RHBDD2: variants seen among roughly 807,000 people sequenced by gnomAD.
RHBDD2 encodes rhomboid domain-containing protein 2.
A neutral mutation model predicts 21.7 loss-of-function variants in RHBDD2; 13 were observed. The ratio of observed to expected loss-of-function variants is 0.60; its 90% confidence interval spans 0.39 to 0.95. The LOEUF (loss-of-function observed/expected upper bound fraction) is 0.95, where lower values mean the gene tolerates loss of function less well. Among genes scored for constraint, RHBDD2 ranks in the 40% least tolerant of loss-of-function variants. The pLI, the probability that RHBDD2 is intolerant of heterozygous loss-of-function variation, is 0.00. For missense variants in RHBDD2, 473 were observed against 478.9 expected (o/e 0.99, Z 0.11); for synonymous variants, 225 against 220.0 (o/e 1.02, Z -0.20).
intron 3 of RHBDD2, among the ~76,000 whole-genome samples, chr7:75,887,321 A>C (rs1352608623): frequency 4.1e-5 from 6 of 146,078 alleles, no homozygotes; most frequent in African/African-American, 1.5e-4. Flanking sequence ...AAAAAAAAAA[A>C]CAATTTTTTT....
At chr7:75,886,809 G>A (rs1554544001) in intron 3 of RHBDD2, among the ~76,000 whole-genome samples, 6 of 145,810 alleles carry the variant, frequency 4.1e-5, no homozygotes, top group South Asian at 2.1e-4. Flanking sequence ...GCGAGACTCC[G>A]TCTCAAAAAA....
Position 75,879,139 on chromosome 7 carries a change from C to T in RHBDD2, c.57C>T (p.Ser19=), listed in dbSNP as rs11547501. Residue 19 remains serine (S), a synonymous_variant, in exon 1 of 4, where the codon TCC becomes TCT. Transcript: ENST00000006777. ...GGTGCTTGTGTCCCGAGGTGCCATC[C>T]GCCACCTTCTTCACTGCGCTGCTCT... The part of the protein sequence containing the change: ...RSWCLCPEVP[S]ATFFTALLSL... 5.5e-6 allele frequency: 8 copies of T among 1,448,726 alleles called. No individual in the cohort carries two copies. The East Asian group carries it at 9.1e-5, about 16-fold the overall frequency. 89.7% of individuals were successfully genotyped at this position (1,448,726 alleles called of 1,614,324 possible).
chr7:75,881,741 GCT>G (rs1805334183), intron 1 of RHBDD2, 86 bp from the exon 2 acceptor site: 4 of 1,314,638 alleles, frequency 3.0e-6, no homozygotes, highest in East Asian at 2.3e-5. Context: ...ACGGAGGGGG[GCT>G]CTCTGCCTTT....
chr7:75,881,296 TTAATGA>T, intron 1 of RHBDD2: 2 of 1,216,200 alleles, frequency 1.6e-6, no homozygotes, highest in Non-Finnish European at 1.1e-6. Context: ...ATCTTTATTG[TTAATGA>T]TAGTGTTATA....
chr7:75,879,381 G>A, intron 1 of RHBDD2, 121 bp downstream of exon 1: 1 of 966,380 alleles, frequency 1.0e-6, no homozygotes, highest in Non-Finnish European at 1.4e-6. Flanking sequence ...CCCTGTCTCG[G>A]TCCTCATCAC....
In RHBDD2 at chr7:75,881,913, G is replaced by T; in HGVS notation, c.263G>T (p.Gly88Val). 1 of 1,614,190 alleles carries T rather than the reference G, an allele frequency of 6.2e-7. No homozygotes were observed. The highest frequency in any genetic ancestry group is 1.1e-5 in the South Asian group (1 of 91,086). Residue 88 changes from glycine (G) to valine (V), a missense_variant, in exon 2 of 4, where the codon GGC becomes GTC. Coordinates refer to ENST00000006777, the MANE Select transcript of RHBDD2 (RefSeq NM_001040456.3). ...GCTATCATCATCTGGCGCTTTGCTGGCAATTTCGAGAGAACCGTGGGCACC... is the reference window on the plus strand; with the variant it reads ...GCTATCATCATCTGGCGCTTTGCTGTCAATTTCGAGAGAACCGTGGGCACC... Reference protein sequence around the residue: ...CGAIIIWRFAGNFERTVGTVR... With the variant: ...CGAIIIWRFAVNFERTVGTVR...
intron 2 of RHBDD2, among the ~76,000 whole-genome samples, chr7:75,882,823 G>A (rs1805414137): frequency 6.6e-6 from 1 of 152,130 alleles, no homozygotes; most frequent in Non-Finnish European, 1.5e-5. Context: ...CTCTTTTCGG[G>A]AGAGTCTAGC....
rs1805794759 is a variant in RHBDD2 at position 75,888,095 on chromosome 7, GCCTCCTGGC to G, written c.849_857del (p.Trp283_Ser285del). ...GCAGCACGCCAGTGGTCAGAAGCTGGCCTCCTGGCCCTCCTGCACCCCCGGGCACATGCC... is the reference window on the plus strand; with the variant it reads ...GCAGCACGCCAGTGGTCAGAAGCTGGCCTCCTGCACCCCCGGGCACATGCC... On this transcript the variant is annotated inframe_deletion, in exon 4 of 4. Coordinates refer to ENST00000006777, the MANE Select transcript of RHBDD2 (RefSeq NM_001040456.3). 6.2e-7 allele frequency: 1 copy of G among 1,613,766 alleles called. No homozygotes were observed. Among genetic ancestry groups the G allele is most frequent in the African/African-American group, 1.3e-5 (1 of 75,054 alleles).
At position 75,888,895 on chromosome 7, in the gene RHBDD2, G is replaced by T. The variant is rs868965880; in HGVS notation, c.*546G>T. On this transcript the variant is annotated 3_prime_UTR_variant, in exon 4 of 4. Coordinates refer to ENST00000006777, the MANE Select transcript of RHBDD2 (RefSeq NM_001040456.3). ...GCATGCTGAGGTGTCCATGTTGTCT[G>T]CCTTTGTATAAAGAAACAGCCTCTG... The T allele has an allele frequency of 1.1e-3, 166 of 156,576 alleles. 1 individual carries two copies. The highest frequency in any genetic ancestry group is 3.8e-3 in the African/African-American group (160 of 41,638). 9.7% of individuals were successfully genotyped at this position (156,576 alleles called of 1,614,324 possible).
intron 1 of RHBDD2, among the ~76,000 whole-genome samples, chr7:75,879,714 A>G (rs1242151936): frequency 2.6e-5 from 4 of 152,206 alleles, no homozygotes; most frequent in African/African-American, 9.6e-5. Flanking sequence ...AAACCCCTAT[A>G]AGCCCTATAA....
intron 2 of RHBDD2, 107 bp downstream of exon 2, chr7:75,882,343 T>C (rs1320861637): frequency 1.9e-6 from 2 of 1,078,558 alleles, no homozygotes; most frequent in Admixed American, 2.9e-5. Context: ...TTGTATTTTT[T>C]CGAAACAGAG....
At chr7:75,881,638 C>A in intron 1 of RHBDD2, 191 bp from the exon 2 acceptor site, 1 of 537,826 alleles carries the variant, frequency 1.9e-6, no homozygotes, top group Non-Finnish European at 2.4e-6. Flanking sequence ...ATTAGATATT[C>A]ATGCCTCTCC....
In RHBDD2 at chr7:75,885,179, G is replaced by A. The variant is rs146974562; in HGVS notation, c.737+1331G>A. On this transcript the variant is annotated intron_variant, in intron 3 of 3. Transcript: ENST00000006777. The stretch of plus-strand genomic sequence containing the variant: ...AGCCAACTAGGCTGCTTAGGAGGTG[G>A]CCCAGCCCAGGTTTTCTGGTGAGGT... 3.0e-3 allele frequency among the ~76,000 whole-genome samples: 461 copies of A among 151,884 alleles called. 2 individuals are homozygous for A. Among genetic ancestry groups the A allele is most frequent in the Non-Finnish European group, 5.4e-3 (369 of 67,988 alleles).
chr7:75,886,984 A>G (rs558665243), intron 3 of RHBDD2, among the ~76,000 whole-genome samples: 15 of 152,230 alleles, frequency 9.9e-5, no homozygotes, highest in African/African-American at 3.6e-4. Context: ...CCAGTCCCTC[A>G]GGTCTGGTGC....
intron 1 of RHBDD2, among the ~76,000 whole-genome samples, chr7:75,879,469 A>G (rs1805188949): frequency 6.6e-6 from 1 of 151,990 alleles, no homozygotes; most frequent in Non-Finnish European, 1.5e-5. Context: ...TGCAGACCCC[A>G]TCTTCGTCAT....
chr7:75,883,860 A>G lies in RHBDD2; in HGVS notation c.737+12A>G. 1 of 1,598,526 alleles carries G rather than the reference A, an allele frequency of 6.3e-7. No homozygotes were observed. Among genetic ancestry groups the G allele is most frequent in the Non-Finnish European group, 8.5e-7 (1 of 1,174,528 alleles). ...GCCCAGAGCCGGAAGTAAGTGACAGAACTCTTAAGTGCTGTTAAATCTTTT... is the reference window on the plus strand; with the variant it reads ...GCCCAGAGCCGGAAGTAAGTGACAGGACTCTTAAGTGCTGTTAAATCTTTT... On this transcript the variant is annotated intron_variant, in intron 3 of 3. Coordinates refer to ENST00000006777, the MANE Select transcript of RHBDD2 (RefSeq NM_001040456.3).
chr7:75,881,052 G>T (rs183600054), intron 1 of RHBDD2, among the ~76,000 whole-genome samples: 1 of 152,138 alleles, frequency 6.6e-6, no homozygotes, highest in African/African-American at 2.4e-5. Context: ...AAAATAAAAG[G>T]CCAGGAATGA....
At chr7:75,887,889 C>T (rs1805774488) in intron 3 of RHBDD2, 103 bp from the exon 4 acceptor site, 1 of 953,562 alleles carries the variant, frequency 1.0e-6, no homozygotes. Context: ...CAGAAAACAT[C>T]CAAGGCATGT....
intron 3 of RHBDD2, among the ~76,000 whole-genome samples, chr7:75,886,960 A>T (rs1214716578): frequency 6.6e-6 from 1 of 151,980 alleles, no homozygotes; most frequent in East Asian, 1.9e-4. Context: ...TGTGTTCCCC[A>T]CGTGACATGG....
Sources: gnomAD v4.1 joint callset for allele counts (sites outside exome capture counted in the v4.1 genomes callset) on GRCh38, gnomAD v4.1.1 for gene constraint, MANE v1.5 for transcripts, NCBI Gene and HGNC (gene_info 2026-07-23, HGNC 2026-07-21) for gene names.